Variants in CEP83 observed in about 807,000 individuals in gnomAD.
The protein encoded by CEP83 is centrosomal protein 83, also known as centrosomal protein of 83 kDa.
Under a neutral mutation model 101.9 loss-of-function variants are expected in CEP83, and 70 were observed. That is an observed-to-expected ratio of 0.69 (90% confidence interval 0.57 to 0.84). The LOEUF (loss-of-function observed/expected upper bound fraction) is 0.84, where lower values mean the gene tolerates loss of function less well. CEP83 is among the 40% of genes least tolerant of loss of function. The pLI is 0.00. For synonymous variants in CEP83, 264 were observed against 267.9 expected (o/e 0.99, Z 0.14); for missense variants, 715 against 787.2 (o/e 0.91, Z 1.10).
Position 94,308,644 on chromosome 12 carries a change from T to C in CEP83, c.*169A>G, listed in dbSNP as rs1444574270. 8.9e-6 allele frequency: 4 copies of C among 450,336 alleles called. No homozygotes were observed. Among genetic ancestry groups the C allele is most frequent in the African/African-American group, 2.0e-5 (1 of 49,830 alleles). The allele number at this position is 450,336 out of a possible 1,614,324, so 27.9% of individuals were successfully genotyped here. A position where few individuals can be genotyped will look rare whatever the true frequency, so the allele number is the denominator to read the frequency against. ...CTTTTAATGCTTCACTTGTATAATCTTAAAATCCTGACAGTCATACAATAC... is the reference window on the plus strand; with the variant it reads ...CTTTTAATGCTTCACTTGTATAATCCTAAAATCCTGACAGTCATACAATAC... On this transcript the variant is annotated 3_prime_UTR_variant, in exon 17 of 17. Transcript: ENST00000397809.
At chr12:94,424,050 T>G in intron 2 of CEP83, 1 of 1,612,020 alleles carries the variant, frequency 6.2e-7, no homozygotes. Flanking sequence ...TGGTGGTGCA[T>G]CCAGGATGGG....
chr12:94,375,810 A>G, intron 8 of CEP83, 76 bp downstream of exon 8: 2 of 752,388 alleles, frequency 2.7e-6, no homozygotes, highest in Non-Finnish European at 3.9e-6. Flanking sequence ...AAAGAAATCA[A>G]TTATTAAAAA....
chr12:94,389,269 T>C (rs1342008949), intron 6 of CEP83, among the ~76,000 whole-genome samples: 1 of 152,216 alleles, frequency 6.6e-6, no homozygotes, highest in Non-Finnish European at 1.5e-5. Context: ...CTGTAAATTC[T>C]GATTTACAAA....
chr12:94,388,261 A>G (rs549335558), intron 6 of CEP83, among the ~76,000 whole-genome samples: 13 of 152,376 alleles, frequency 8.5e-5, no homozygotes, highest in African/African-American at 3.1e-4. Context: ...AAATGAATGA[A>G]ATCTTGTCCT....
the CEP83 span, chr12:94,282,418 ACCCCG>A: frequency 6.6e-7 from 1 of 1,504,336 alleles, no homozygotes; most frequent in Non-Finnish European, 9.3e-7. Context: ...GCAAGACTTG[ACCCCG>A]TGTCTCCTTC....
chr12:94,406,491 G>T (rs761636218), intron 4 of CEP83, among the ~76,000 whole-genome samples: 8 of 151,998 alleles, frequency 5.3e-5, no homozygotes, highest in Non-Finnish European at 8.8e-5. Context: ...GTGTGTGTGT[G>T]GTGGGGGCAG....
the CEP83 span, among the ~76,000 whole-genome samples, chr12:94,285,800 TTGA>T: frequency 2.4e-4 from 37 of 152,272 alleles, no homozygotes; most frequent in South Asian, 6.8e-3. Context: ...CAGGCTTGTC[TTGA>T]TGAGTTAGGA....
chr12:94,396,542 C>T (rs2062910443), intron 6 of CEP83, among the ~76,000 whole-genome samples: 2 of 152,058 alleles, frequency 1.3e-5, no homozygotes, highest in African/African-American at 2.4e-5. Flanking sequence ...CCCGCCTCAG[C>T]CTCCCCAAGT....
At chr12:94,286,048 C>G in the CEP83 span, among the ~76,000 whole-genome samples, 1 of 152,188 alleles carries the variant, frequency 6.6e-6, no homozygotes, top group East Asian at 1.9e-4. Context: ...AAGGTGAAGG[C>G]CTGTCGGGAG....
intron 1 of CEP83, among the ~76,000 whole-genome samples, chr12:94,457,646 T>C (rs2067784054): frequency 6.6e-6 from 1 of 152,218 alleles, no homozygotes; most frequent in Non-Finnish European, 1.5e-5. Context: ...CCATGGATTT[T>C]AGCAATACAT....
At chr12:94,289,864 A>C in the CEP83 span, among the ~76,000 whole-genome samples, 10 of 152,148 alleles carry the variant, frequency 6.6e-5, no homozygotes, top group Non-Finnish European at 1.3e-4. Flanking sequence ...ACACACACAC[A>C]ACTCATCCAC....
intron 2 of CEP83, among the ~76,000 whole-genome samples, chr12:94,432,260 C>T (rs1487481892): frequency 2.6e-5 from 4 of 151,152 alleles, no homozygotes; most frequent in Non-Finnish European, 5.9e-5. Context: ...GACAGGGTTT[C>T]ACCGTTTTAG....
chr12:94,320,059 T>C (rs898420571), intron 14 of CEP83, among the ~76,000 whole-genome samples: 3 of 152,346 alleles, frequency 2.0e-5, no homozygotes, highest in South Asian at 4.1e-4. Flanking sequence ...ATATTTAGGA[T>C]AGTTACGTCT....
At chr12:94,294,870 A>G in the CEP83 span, among the ~76,000 whole-genome samples, 3 of 152,174 alleles carry the variant, frequency 2.0e-5, no homozygotes, top group Non-Finnish European at 4.4e-5. Flanking sequence ...TCCCCCTGGC[A>G]AACTGAGAGG....
chr12:94,343,470 C>CTTTTT (rs1161481202), intron 11 of CEP83, among the ~76,000 whole-genome samples: 12 of 84,174 alleles, frequency 1.4e-4, no homozygotes, highest in South Asian at 4.7e-4. Context: ...TAGAAATTAA[C>CTTTTT]TTTTTTTTTT....
intron 3 of CEP83, 98 bp from the exon 4 acceptor site, chr12:94,411,945 C>T: frequency 1.2e-6 from 1 of 862,922 alleles, no homozygotes; most frequent in South Asian, 1.5e-5. Context: ...AAAACAAGAC[C>T]AATATCACAC....
chr12:94,286,054 G>A, the CEP83 span, among the ~76,000 whole-genome samples: 221 of 152,276 alleles, frequency 1.5e-3, no homozygotes, highest in Non-Finnish European at 2.2e-3. Context: ...AAGGCCTGTC[G>A]GGAGAGATAG....
intron 2 of CEP83, among the ~76,000 whole-genome samples, chr12:94,422,893 T>C (rs2064874154): frequency 1.3e-5 from 2 of 152,244 alleles, no homozygotes; most frequent in Non-Finnish European, 2.9e-5. Flanking sequence ...ACAATGAATA[T>C]AGCTGCTATG....
rs1969338173 is a variant in CEP83, at chr12:94,308,614, T to G, written c.*199A>C. 8.1e-6 allele frequency: 3 copies of G among 369,282 alleles called. No homozygotes were observed. The highest frequency in any genetic ancestry group is 9.1e-5 in the Admixed American group (2 of 22,044). 22.9% of individuals were successfully genotyped at this position (369,282 alleles called of 1,614,324 possible). ...CAAATATTCTAAATATCTCTGAGAA[T>G]TTCTCTTTTAATGCTTCACTTGTAT... is the stretch of plus-strand genomic sequence containing the variant. On this transcript the variant is annotated 3_prime_UTR_variant, in exon 17 of 17. Transcript: ENST00000397809.
Sources: allele counts gnomAD v4.1 joint callset (sites outside exome capture counted in the v4.1 genomes callset), GRCh38; gene constraint gnomAD v4.1.1; transcripts MANE v1.5; gene names NCBI Gene and HGNC (gene_info 2026-07-23, HGNC 2026-07-21).